The following TAOK1 variants were observed in gnomAD, a reference collection of about 807,000 sequenced individuals.
The protein encoded by TAOK1 is serine/threonine-protein kinase TAO1.
TAOK1 carries 21 observed loss-of-function variants against 138.3 expected under a neutral mutation model. The ratio of observed to expected loss-of-function variants is 0.15; its 90% confidence interval spans 0.11 to 0.22. The LOEUF (loss-of-function observed/expected upper bound fraction) is 0.22. Among genes scored for constraint, TAOK1 ranks in the 10% least tolerant of loss-of-function variants. TAOK1 has a pLI of 1.00. For missense variants in TAOK1, 651 were observed against 1,227.7 expected (o/e 0.53, Z 7.02); for synonymous variants, 361 against 398.4 (o/e 0.91, Z 1.12).
rs1434284244 is a variant in TAOK1, at chr17:29,550,785, A to G, written c.*7763A>G. ...TTTCCCTTTGTTTTCCTCAAACAGCATGATTTTTTTGCACATGTAGAAATT... is the reference window on the plus strand; with the variant it reads ...TTTCCCTTTGTTTTCCTCAAACAGCGTGATTTTTTTGCACATGTAGAAATT... On this transcript the variant is annotated 3_prime_UTR_variant, in exon 20 of 20. Coordinates refer to ENST00000261716, the MANE Select transcript of TAOK1 (RefSeq NM_020791.4). The G allele has an allele frequency of 6.6e-6, 1 of 152,434 alleles. No homozygotes were observed. Among genetic ancestry groups the G allele is most frequent in the Non-Finnish European group, 1.5e-5 (1 of 68,010 alleles). 9.4% of individuals were successfully genotyped at this position (152,434 alleles called of 1,614,324 possible).
At chr17:29,460,612 A>G (rs188802827) in intron 2 of TAOK1, among the ~76,000 whole-genome samples, 12 of 152,326 alleles carry the variant, frequency 7.9e-5, no homozygotes, top group Admixed American at 2.6e-4. Flanking sequence ...AATACCTGCT[A>G]CATTACCCTA....
intron 1 of TAOK1, among the ~76,000 whole-genome samples, chr17:29,450,948 T>C (rs531765547): frequency 1.3e-5 from 2 of 152,348 alleles, no homozygotes; most frequent in African/African-American, 4.8e-5. Context: ...TTAATGTGAA[T>C]CAGGTGAATC....
At chr17:29,401,729 G>A (rs1397081701) in intron 1 of TAOK1, among the ~76,000 whole-genome samples, 2 of 151,764 alleles carry the variant, frequency 1.3e-5, no homozygotes, top group Non-Finnish European at 2.9e-5. Flanking sequence ...ATCATGGCTT[G>A]CTGAAACCTC....
intron 3 of TAOK1, among the ~76,000 whole-genome samples, chr17:29,468,329 G>T (rs1427968446): frequency 6.6e-6 from 1 of 150,910 alleles, no homozygotes; most frequent in Non-Finnish European, 1.5e-5. Context: ...TAGAGACAGG[G>T]TTTCACCATG....
intron 2 of TAOK1, among the ~76,000 whole-genome samples, chr17:29,466,186 C>T (rs112822858): frequency 2.0e-5 from 3 of 152,192 alleles, no homozygotes; most frequent in African/African-American, 7.2e-5. Context: ...AGTTGCTGTC[C>T]AGGCTGGAGT....
intron 16 of TAOK1, 31 bp downstream of exon 16, chr17:29,517,687 C>T: frequency 6.4e-7 from 1 of 1,565,096 alleles, no homozygotes; most frequent in Non-Finnish European, 8.6e-7. Flanking sequence ...ATTTTAAATC[C>T]TTTATCAAAA....
rs1299551120 is a variant in TAOK1 at position 29,544,423 on chromosome 17, C to T, written c.*1401C>T. 2 of 152,508 alleles carry T rather than the reference C, an allele frequency of 1.3e-5. No homozygotes were observed. The highest frequency in any genetic ancestry group is 2.9e-5 in the Non-Finnish European group (2 of 68,020). The allele number at this position is 152,508 out of a possible 1,614,324, so 9.4% of individuals were successfully genotyped here. A position where few individuals can be genotyped will look rare whatever the true frequency, so the allele number is the denominator to read the frequency against. ...ATCACACAATAGGAAACACCACTTC[C>T]ACAAGTCTCAAGCCTCAGTGCTAAA... On this transcript the variant is annotated 3_prime_UTR_variant, in exon 20 of 20. Transcript: ENST00000261716.
At chr17:29,408,703 ATTTC>A (rs1905062218) in intron 1 of TAOK1, among the ~76,000 whole-genome samples, 2 of 150,786 alleles carry the variant, frequency 1.3e-5, no homozygotes, top group African/African-American at 2.4e-5. Context: ...CGCTGATGTG[ATTTC>A]TTTCTTTTTT....
chr17:29,447,424 G>A (rs567328807), intron 1 of TAOK1, among the ~76,000 whole-genome samples: 9 of 151,968 alleles, frequency 5.9e-5, no homozygotes, highest in African/African-American at 1.4e-4. Flanking sequence ...TTCACCTCCC[G>A]GATTCAAGCA....
At chr17:29,477,640 T>C (rs774432603) in intron 4 of TAOK1, 21 bp from the exon 5 acceptor site, 5 of 1,309,566 alleles carry the variant, frequency 3.8e-6, no homozygotes, top group Non-Finnish European at 5.0e-6. Flanking sequence ...ATTTTAATGC[T>C]TTTATAACTT....
intron 17 of TAOK1, among the ~76,000 whole-genome samples, chr17:29,526,696 G>A (rs1450469503): frequency 6.6e-6 from 1 of 151,930 alleles, no homozygotes; most frequent in Non-Finnish European, 1.5e-5. Flanking sequence ...TTACAGGCGT[G>A]AGCCACCACA....
rs1460057908 is a variant in TAOK1, at chr17:29,489,585, A to G, written c.656-79A>G. On this transcript the variant is annotated intron_variant, in intron 8 of 19. Coordinates refer to ENST00000261716, the MANE Select transcript of TAOK1 (RefSeq NM_020791.4). ...TTGTTTCAAAATAAAATCATTTAAA[A>G]AAAAAAAAGGAAAAACGTGCCCAGG... is the stretch of plus-strand genomic sequence containing the variant. 8 of 923,384 alleles carry G rather than the reference A, an allele frequency of 8.7e-6. No homozygotes were observed. In the East Asian group the frequency reaches 2.2e-4, roughly 26 times the overall value. 57.2% of individuals were successfully genotyped at this position (923,384 alleles called of 1,614,324 possible).
intron 1 of TAOK1, among the ~76,000 whole-genome samples, chr17:29,443,558 A>G (rs564669779): frequency 3.2e-4 from 48 of 152,316 alleles, no homozygotes; most frequent in Middle Eastern, 3.4e-3. Context: ...GCAAGTGTAA[A>G]TAGCCTAAAA....
At position 29,502,484 on chromosome 17, in the gene TAOK1, T is replaced by C. The variant is rs1299958989; in HGVS notation, c.1204-105T>C. 1.1e-5 allele frequency: 14 copies of C among 1,291,954 alleles called. No individual in the cohort carries two copies. The East Asian group carries it at 3.5e-4, about 32-fold the overall frequency. The allele number at this position is 1,291,954 out of a possible 1,614,324, so 80.0% of individuals were successfully genotyped here. On this transcript the variant is annotated intron_variant, in intron 12 of 19. Transcript: ENST00000261716. ...TTTTTGGCTTTGCTTTTTAAAATTATGTCTTTGAGATTGATTGATCAAGTT... is the reference window on the plus strand; with the variant it reads ...TTTTTGGCTTTGCTTTTTAAAATTACGTCTTTGAGATTGATTGATCAAGTT...
At chr17:29,489,581 T>TAAA in intron 8 of TAOK1, 83 bp from the exon 9 acceptor site, 5 of 683,318 alleles carry the variant, frequency 7.3e-6, no homozygotes, top group Admixed American at 3.4e-5. Flanking sequence ...TAAAATCATT[T>TAAA]AAAAAAAAAA....
intron 1 of TAOK1, among the ~76,000 whole-genome samples, chr17:29,396,990 C>CAA (rs555104841): frequency 7.2e-5 from 5 of 69,530 alleles, no homozygotes; most frequent in African/African-American, 1.4e-4. Context: ...AACTCTGTCT[C>CAA]AAAAAAAAAA....
intron 15 of TAOK1, among the ~76,000 whole-genome samples, chr17:29,516,858 G>A (rs944010114): frequency 2.6e-5 from 4 of 151,536 alleles, no homozygotes; most frequent in African/African-American, 4.8e-5. Context: ...TTTTTGAGAC[G>A]GAGTTTCACC....
In TAOK1 at chr17:29,519,525, A is replaced by AG. The variant is rs11395724; in HGVS notation, c.1908+1869_1908+1870insG. On this transcript the variant is annotated intron_variant, in intron 16 of 19. Transcript: ENST00000261716. ...CAGAGCAAGTCTGCATCTCAGAAAA[A>AG]AAAAGAAAAGAAAAGAAAAAAATTA... Among the ~76,000 whole-genome samples, 1,492 of 151,682 alleles carry AG rather than the reference A, an allele frequency of 9.8e-3. 20 individuals carry two copies. The highest frequency in any genetic ancestry group is 0.032 in the African/African-American group (1,334 of 41,332).
At chr17:29,459,661 A>G (rs1466961133) in intron 2 of TAOK1, among the ~76,000 whole-genome samples, 1 of 152,226 alleles carries the variant, frequency 6.6e-6, no homozygotes. Context: ...GTGGACACTT[A>G]CATTGTTTCC....
Sources: gnomAD v4.1 joint callset for allele counts (sites outside exome capture counted in the v4.1 genomes callset) on GRCh38, gnomAD v4.1.1 for gene constraint, MANE v1.5 for transcripts, NCBI Gene and HGNC (gene_info 2026-07-23, HGNC 2026-07-21) for gene names.